The following L1CAM variants were observed in gnomAD, a reference collection of about 807,000 sequenced individuals.
The protein encoded by L1CAM is neural cell adhesion molecule L1.
In L1CAM, 8 loss-of-function variants were observed where a neutral mutation model predicts 93.0. The ratio of observed to expected loss-of-function variants is 0.09; its 90% CI spans 0.05 to 0.16. The LOEUF is 0.16. L1CAM is among the 10% of genes least tolerant of loss of function. The pLI is 1.00. For missense variants in L1CAM, 777 were observed against 1,073.4 expected (o/e 0.72, Z 3.86); for synonymous variants, 453 against 453.0 (o/e 1.00, Z 0.00).
intron 1 of L1CAM, among the ~76,000 whole-genome samples, chrX:153,879,690 C>T (rs1000826647): frequency 1.8e-4 from 19 of 108,045 alleles, no homozygotes; most frequent in African/African-American, 4.7e-4. Flanking sequence ...GGGCAAGGGA[C>T]GGCCGTGAGA....
chrX:153,871,995 A>G (rs1307639014), intron 5 of L1CAM, among the ~76,000 whole-genome samples, 157 bp downstream of exon 5: 1 of 109,728 alleles, frequency 9.1e-6, no homozygotes, highest in Non-Finnish European at 1.9e-5. Context: ...ACTGCACAAG[A>G]AACAAGATGG....
intron 1 of L1CAM, among the ~76,000 whole-genome samples, chrX:153,882,931 C>T (rs2064853072): frequency 8.9e-6 from 1 of 112,304 alleles, no homozygotes; most frequent in East Asian, 2.8e-4. Context: ...CCAGCTCCTC[C>T]CTCTTTTTCC....
At chrX:153,873,358 G>A (rs781888138) in intron 2 of L1CAM, 116 bp from the exon 3 acceptor site, 142 of 777,707 alleles carry the variant, frequency 1.8e-4, no homozygotes, top group Non-Finnish European at 2.4e-4. Flanking sequence ...CCCGTGGAGA[G>A]GGAATGGCAG....
intron 26 of L1CAM, 140 bp downstream of exon 26, chrX:153,863,743 C>G: frequency 2.1e-6 from 2 of 951,942 alleles, no homozygotes; most frequent in Non-Finnish European, 3.0e-6. Flanking sequence ...GGAGGATGAT[C>G]CCCCTGCCTG....
intron 3 of L1CAM, chrX:153,873,017 G>A (rs1256290922): frequency 4.3e-6 from 2 of 467,423 alleles, no homozygotes; most frequent in Admixed American, 6.7e-5. Context: ...AGAGAGAATG[G>A]CAGAGAGGAA....
Position 153,869,988 on chromosome X carries a change from C to G in L1CAM, c.992-54G>C, listed in dbSNP as rs2064753037. On this transcript the variant is annotated intron_variant, in intron 9 of 28. Coordinates refer to ENST00000370060, the MANE Select transcript of L1CAM (RefSeq NM_001278116.2). ...CCCGCAGCCAGCAGCTGGCTCTTGA[C>G]CCGGCGCAGACCCTCCCCTCCCCCA... 5.8e-6 allele frequency: 7 copies of G among 1,208,218 alleles called. No homozygotes were observed. In the South Asian group the frequency reaches 1.1e-4, roughly 18 times the overall value.
intron 28 of L1CAM, 26 bp downstream of exon 28, chrX:153,863,342 G>A (rs2064680656): frequency 8.3e-7 from 1 of 1,205,376 alleles, no homozygotes; most frequent in Non-Finnish European, 1.1e-6. Flanking sequence ...CTTGCTGTTG[G>A]CCCCTCCCCA....
chrX:153,867,727 G>A (rs1900505719), intron 16 of L1CAM, 73 bp downstream of exon 16: 2 of 1,042,348 alleles, frequency 1.9e-6, no homozygotes, highest in South Asian at 1.9e-5. Flanking sequence ...GGCTCCAGGA[G>A]GAGGGAGGAC....
intron 1 of L1CAM, 163 bp downstream of exon 1, chrX:153,885,902 A>G (rs2064877872): frequency 1.4e-6 from 1 of 693,994 alleles, no homozygotes; most frequent in Non-Finnish European, 1.8e-6. Context: ...CGGTGCCCGG[A>G]GCCCGACGCC....
intron 28 of L1CAM, 145 bp downstream of exon 28, chrX:153,863,223 C>A: frequency 1.6e-6 from 1 of 630,962 alleles, no homozygotes; most frequent in Non-Finnish European, 2.6e-6. Flanking sequence ...TTGGCCTCTC[C>A]CTGAAATGAG....
At chrX:153,881,383 C>T (rs1328880738) in intron 1 of L1CAM, among the ~76,000 whole-genome samples, 1 of 111,811 alleles carries the variant, frequency 8.9e-6, no homozygotes, top group Non-Finnish European at 1.9e-5. Context: ...TGCTGGGCTT[C>T]CCAGGGAACC....
Sources: allele counts gnomAD v4.1 joint callset (sites outside exome capture counted in the v4.1 genomes callset), GRCh38; gene constraint gnomAD v4.1.1; transcripts MANE v1.5; gene names NCBI Gene and HGNC (gene_info 2026-07-23, HGNC 2026-07-21).